GRIP1: variants seen among roughly 807,000 people sequenced by gnomAD.
The protein encoded by GRIP1 is glutamate receptor-interacting protein 1.
Under a neutral mutation model 129.9 loss-of-function variants are expected in GRIP1, and 45 were observed. The observed-to-expected ratio is 0.35, with a 90% CI of 0.27 to 0.44. GRIP1 has a LOEUF of 0.44. GRIP1 is among the 20% of genes least tolerant of loss of function. GRIP1 has a pLI of 1.00. For synonymous variants in GRIP1, 530 were observed against 520.8 expected, an observed-to-expected ratio of 1.02 and a Z score of -0.24; for missense variants, 1,196 against 1,396.8, an observed-to-expected ratio of 0.86 and a Z score of 2.29.
At chr12:66,535,630 C>T (rs2061582677) in intron 4 of GRIP1, among the ~76,000 whole-genome samples, 1 of 152,168 alleles carries the variant, frequency 6.6e-6, no homozygotes, top group African/African-American at 2.4e-5. Flanking sequence ...AGCCTTTACA[C>T]TCTATTTTAT....
intron 1 of GRIP1, chr12:66,626,628 G>T (rs1216156104): frequency 2.0e-5 from 3 of 152,156 alleles, no homozygotes; most frequent in African/African-American, 7.3e-5. Flanking sequence ...CTTTCTCTTG[G>T]CTTCTCTTTC....
intron 1 of GRIP1, among the ~76,000 whole-genome samples, chr12:67,062,320 A>G (rs983755731): frequency 5.3e-5 from 8 of 152,140 alleles, no homozygotes; most frequent in Non-Finnish European, 1.5e-5. Flanking sequence ...CTATGCTCAT[A>G]AGTATGTTCA....
intron 1 of GRIP1, among the ~76,000 whole-genome samples, chr12:66,753,745 A>T (rs2037199909): frequency 6.6e-6 from 1 of 152,214 alleles, no homozygotes; most frequent in African/African-American, 2.4e-5. Flanking sequence ...CCTTGAAAGC[A>T]GATACTATTT....
intron 17 of GRIP1, among the ~76,000 whole-genome samples, 161 bp downstream of exon 17, chr12:66,394,047 G>A (rs1361986956): frequency 6.6e-6 from 1 of 152,096 alleles, no homozygotes; most frequent in Non-Finnish European, 1.5e-5. Context: ...GAGTCAAGTC[G>A]GAACTCTGCC....
intron 1 of GRIP1, among the ~76,000 whole-genome samples, chr12:67,030,534 G>A (rs1276529886): frequency 1.3e-5 from 2 of 152,022 alleles, no homozygotes; most frequent in African/African-American, 4.8e-5. Flanking sequence ...TACTTTTAAA[G>A]TATTGTTTTC....
chr12:66,484,022 G>T (rs2059884648), intron 7 of GRIP1, among the ~76,000 whole-genome samples: 1 of 151,648 alleles, frequency 6.6e-6, no homozygotes, highest in Non-Finnish European at 1.5e-5. Context: ...ACTACGCCCG[G>T]CTAATTTTTT....
intron 1 of GRIP1, among the ~76,000 whole-genome samples, chr12:66,920,055 T>G (rs1470025642): frequency 2.0e-5 from 3 of 151,838 alleles, no homozygotes; most frequent in Admixed American, 6.6e-5. Context: ...ACCAAGAAAA[T>G]GTATGTAAAG....
intron 1 of GRIP1, among the ~76,000 whole-genome samples, chr12:66,629,789 A>C (rs1179308492): frequency 1.3e-5 from 2 of 152,226 alleles, no homozygotes; most frequent in African/African-American, 4.8e-5. Flanking sequence ...AAAGAATACT[A>C]ACCCATTCAT....
chr12:67,069,108 G>T (rs1161056676), exon 1 of GRIP1: 2 of 984,952 alleles, frequency 2.0e-6, no homozygotes, highest in Admixed American at 6.2e-5. Flanking sequence ...AGCCGGGCAT[G>T]GTGTCGCTCC....
chr12:67,041,301 C>T lies in GRIP1; in HGVS notation c.58+27749G>A, dbSNP rs1012670315. Among the ~76,000 whole-genome samples, 6 of 151,694 alleles carry T rather than the reference C, an allele frequency of 4.0e-5. 2 individuals are homozygous for T. The South Asian group carries it at 1.2e-3, about 32-fold the overall frequency. ...ATATACACACACAAATATATATACACATATATTTATATATACACGTGTGTA... is the reference window on the plus strand; with the variant it reads ...ATATACACACACAAATATATATACATATATATTTATATATACACGTGTGTA... On this transcript the variant is annotated intron_variant, in intron 1 of 1. Transcript: ENST00000643019.
At chr12:66,949,167 G>A (rs187822371) in intron 1 of GRIP1, among the ~76,000 whole-genome samples, 4 of 151,982 alleles carry the variant, frequency 2.6e-5, no homozygotes, top group East Asian at 3.9e-4. Context: ...ATGAAACTTC[G>A]GATATTTAAG....
chr12:66,369,338 A>ATT (rs2055344285), intron 23 of GRIP1, among the ~76,000 whole-genome samples: 1 of 127,530 alleles, frequency 7.8e-6, no homozygotes, highest in African/African-American at 3.1e-5. Flanking sequence ...TTTTAACAAG[A>ATT]TCTTTTTTTT....
At chr12:66,788,378 T>C (rs1432237359) in intron 1 of GRIP1, among the ~76,000 whole-genome samples, 1 of 151,954 alleles carries the variant, frequency 6.6e-6, no homozygotes, top group Non-Finnish European at 1.5e-5. Flanking sequence ...ATATTTAACA[T>C]GAATAAGGTA....
At chr12:66,941,338 C>G (rs979596443) in intron 1 of GRIP1, among the ~76,000 whole-genome samples, 44 of 152,280 alleles carry the variant, frequency 2.9e-4, no homozygotes, top group African/African-American at 1.1e-3. Context: ...TTTCAGTCTT[C>G]TAGGCCACAC....
Position 66,548,700 on chromosome 12 carries a change from C to T in GRIP1, c.137-6750G>A, listed in dbSNP as rs981231667. On this transcript the variant is annotated intron_variant, in intron 2 of 24. Transcript: ENST00000359742. ...TGGAAGTGAGTGAGGATCAAAAAGG[C>T]CCCAAGGTTTCCAACTTGTTTGATT... Among the ~76,000 whole-genome samples the T allele has an allele frequency of 3.9e-5, 6 of 152,106 alleles. No individual in the cohort carries two copies. The South Asian group carries it at 8.3e-4, about 21-fold the overall frequency.
intron 2 of GRIP1, among the ~76,000 whole-genome samples, chr12:66,548,331 C>T (rs1005029519): frequency 6.6e-6 from 1 of 152,306 alleles, no homozygotes; most frequent in Admixed American, 6.5e-5. Flanking sequence ...AGTTTAGAAA[C>T]TTCTGCCCTA....
chr12:66,956,605 T>C (rs2041845585), intron 1 of GRIP1, among the ~76,000 whole-genome samples: 1 of 152,144 alleles, frequency 6.6e-6, no homozygotes, highest in Non-Finnish European at 1.5e-5. Context: ...ACCACACAAT[T>C]AATAAATGTT....
At chr12:66,628,833 T>C (rs938032036) in intron 1 of GRIP1, among the ~76,000 whole-genome samples, 1 of 152,172 alleles carries the variant, frequency 6.6e-6, no homozygotes, top group Non-Finnish European at 1.5e-5. Flanking sequence ...AAAATGTCAA[T>C]AGGGCTGAAG....
chr12:66,835,403 A>C (rs1478090175), intron 1 of GRIP1, among the ~76,000 whole-genome samples: 2 of 152,218 alleles, frequency 1.3e-5, no homozygotes, highest in African/African-American at 4.8e-5. Context: ...CCAAATGTTT[A>C]TATCATTGCC....
Sources: gnomAD v4.1 joint callset for allele counts (sites outside exome capture counted in the v4.1 genomes callset) on GRCh38, gnomAD v4.1.1 for gene constraint, MANE v1.5 for transcripts, NCBI Gene and HGNC (gene_info 2026-07-23, HGNC 2026-07-21) for gene names.